ADCY8: variants seen among roughly 807,000 people sequenced by gnomAD.
The protein encoded by ADCY8 is adenylate cyclase 8, also known as adenylate cyclase type 8.
ADCY8 carries 51 observed loss-of-function variants against 119.7 expected under a neutral mutation model. That is an observed-to-expected ratio of 0.43 (90% CI 0.34 to 0.54). The LOEUF (loss-of-function observed/expected upper bound fraction) is 0.54. Among genes scored for constraint, ADCY8 ranks in the 20% least tolerant of loss-of-function variants. The probability of loss-of-function intolerance (pLI) is 0.03; values close to 1 mark genes in which losing one functional copy is unlikely to be tolerated. For missense variants in ADCY8, 1,383 were observed against 1,598.8 expected, an observed-to-expected ratio of 0.87 and a Z score of 2.30; for synonymous variants, 665 against 651.0, an observed-to-expected ratio of 1.02 and a Z score of -0.33.
At chr8:130,864,781 TATTAG>T (rs1818056695) in intron 9 of ADCY8, among the ~76,000 whole-genome samples, 1 of 152,198 alleles carries the variant, frequency 6.6e-6, no homozygotes, top group Non-Finnish European at 1.5e-5. Flanking sequence ...TGCCTACTTC[TATTAG>T]AACCTTTAAT....
At chr8:130,860,501 T>G (rs896802237) in intron 9 of ADCY8, among the ~76,000 whole-genome samples, 2 of 152,242 alleles carry the variant, frequency 1.3e-5, no homozygotes, top group Non-Finnish European at 2.9e-5. Context: ...ATTTTATTTG[T>G]GTTTTCTTCC....
Position 130,909,640 on chromosome 8 carries a change from G to A in ADCY8, c.1640+68C>T, listed in dbSNP as rs1168950555. 4.4e-6 allele frequency: 7 copies of A among 1,578,890 alleles called. No individual in the cohort carries two copies. In the East Asian group the frequency reaches 8.9e-5, roughly 20 times the overall value. ...TCTAACCCTGAATTTCTGTACACAGGAAACCCACTGTCACAAAATAAGCCA... is the reference window on the plus strand; with the variant it reads ...TCTAACCCTGAATTTCTGTACACAGAAAACCCACTGTCACAAAATAAGCCA... On this transcript the variant is annotated intron_variant, in intron 6 of 17. Coordinates refer to ENST00000286355, the MANE Select transcript of ADCY8 (RefSeq NM_001115.3).
At chr8:130,884,393 C>A (rs1294132270) in intron 8 of ADCY8, among the ~76,000 whole-genome samples, 171 bp downstream of exon 8, 1 of 152,144 alleles carries the variant, frequency 6.6e-6, no homozygotes, top group African/African-American at 2.4e-5. Flanking sequence ...CCTTTCATGA[C>A]CTTCAGTCTA....
intron 8 of ADCY8, among the ~76,000 whole-genome samples, chr8:130,882,161 T>C (rs2130452196): frequency 7.2e-6 from 1 of 139,090 alleles, no homozygotes; most frequent in East Asian, 2.2e-4. Context: ...GCATAGAAAA[T>C]ACAGCATCTC....
Position 130,882,216 on chromosome 8 carries a change from T to G in ADCY8, c.2109+2348A>C, listed in dbSNP as rs139241254. 5.7e-4 allele frequency among the ~76,000 whole-genome samples: 87 copies of G among 151,892 alleles called. No individual in the cohort carries two copies. In the East Asian group the frequency reaches 7.5e-3, roughly 13 times the overall value. ...AGTCAATGAAATATAGTAGCTGGAT[T>G]TTGAGATCTAAGATCTCCACTTAAC... On this transcript the variant is annotated intron_variant, in intron 8 of 17. Transcript: ENST00000286355.
At chr8:130,830,635 C>A (rs1030196042) in intron 12 of ADCY8, among the ~76,000 whole-genome samples, 1 of 152,178 alleles carries the variant, frequency 6.6e-6, no homozygotes, top group Non-Finnish European at 1.5e-5. Flanking sequence ...AGGTGATGAA[C>A]CTTGGGTATC....
intron 8 of ADCY8, among the ~76,000 whole-genome samples, chr8:130,880,618 G>C (rs950822675): frequency 1.3e-5 from 2 of 152,144 alleles, no homozygotes; most frequent in African/African-American, 2.4e-5. Context: ...ACTGCAATAG[G>C]TCTCCTCTCC....
At chr8:130,931,800 T>C (rs1820637316) in intron 5 of ADCY8, among the ~76,000 whole-genome samples, 1 of 152,190 alleles carries the variant, frequency 6.6e-6, no homozygotes. Context: ...TTATTTTCAA[T>C]CACTCCATTA....
At chr8:130,805,574 C>T (rs1405248220) in intron 14 of ADCY8, among the ~76,000 whole-genome samples, 3 of 152,182 alleles carry the variant, frequency 2.0e-5, no homozygotes, top group Non-Finnish European at 4.4e-5. Context: ...GGACTCACCC[C>T]TCCTTTCCAT....
At position 131,040,387 on chromosome 8, in the gene ADCY8, G is replaced by A. The variant is rs1824352320; in HGVS notation, c.-54C>T. ...GAACCTTGGGGAGGCAGCCGGAGGA[G>A]GGGTTCCTAAAGACTCAAAGGCGGC... On this transcript the variant is annotated 5_prime_UTR_variant, in exon 1 of 18. Transcript: ENST00000286355. 3.5e-6 allele frequency: 5 copies of A among 1,437,116 alleles called. No individual in the cohort carries two copies. The highest frequency in any genetic ancestry group is 1.6e-5 in the South Asian group (1 of 62,722). The allele number at this position is 1,437,116 out of a possible 1,614,324, so 89.0% of individuals were successfully genotyped here.
chr8:130,817,882 A>G (rs182422800), intron 13 of ADCY8, among the ~76,000 whole-genome samples: 8 of 152,356 alleles, frequency 5.3e-5, no homozygotes, highest in Admixed American at 2.6e-4. Context: ...GAGAACTGAT[A>G]GGATTAGCAT....
chr8:130,846,906 T>TCCTG (rs1563689898), intron 11 of ADCY8, among the ~76,000 whole-genome samples: 1 of 97,026 alleles, frequency 1.0e-5, no homozygotes, highest in Non-Finnish European at 2.1e-5. Context: ...CTTCCTTCCT[T>TCCTG]CCTTCCTTCC....
intron 1 of ADCY8, among the ~76,000 whole-genome samples, chr8:131,014,760 G>C (rs1181761124): frequency 6.6e-6 from 1 of 152,094 alleles, no homozygotes; most frequent in African/African-American, 2.4e-5. Context: ...AATGGTAATG[G>C]GACTTACTTC....
At chr8:130,877,254 G>A (rs1263073645) in intron 8 of ADCY8, among the ~76,000 whole-genome samples, 1 of 152,158 alleles carries the variant, frequency 6.6e-6, no homozygotes, top group Non-Finnish European at 1.5e-5. Context: ...CCATTATCAT[G>A]CCCAATTTTA....
At chr8:130,949,838 G>A (rs1026892577) in intron 3 of ADCY8, among the ~76,000 whole-genome samples, 5 of 152,128 alleles carry the variant, frequency 3.3e-5, no homozygotes, top group African/African-American at 1.2e-4. Flanking sequence ...GTATTGAAGA[G>A]TTCTTATTAT....
chr8:130,970,522 T>C (rs1821892860), intron 2 of ADCY8, among the ~76,000 whole-genome samples: 1 of 152,222 alleles, frequency 6.6e-6, no homozygotes, highest in African/African-American at 2.4e-5. Flanking sequence ...TTTCATTACA[T>C]ATTACAATGT....
intron 8 of ADCY8, among the ~76,000 whole-genome samples, chr8:130,878,332 C>T (rs867396407): frequency 6.6e-6 from 1 of 152,338 alleles, no homozygotes; most frequent in Middle Eastern, 3.4e-3. Flanking sequence ...AACTAATCAA[C>T]TGTCCTTTAT....
chr8:130,943,206 T>C (rs55986691), intron 4 of ADCY8, 145 bp downstream of exon 4: 13,513 of 573,052 alleles, frequency 0.024, 1,340 homozygotes, highest in African/African-American at 0.22. Flanking sequence ...GTCCCCAGAA[T>C]GTGAGAGGGT....
At chr8:130,983,572 A>G (rs1822303288) in intron 2 of ADCY8, among the ~76,000 whole-genome samples, 1 of 152,158 alleles carries the variant, frequency 6.6e-6, no homozygotes, top group Non-Finnish European at 1.5e-5. Context: ...TGGAGTACAA[A>G]GTGAGAGGTA....
Sources: allele counts gnomAD v4.1 joint callset (sites outside exome capture counted in the v4.1 genomes callset), GRCh38; gene constraint gnomAD v4.1.1; transcripts MANE v1.5; gene names NCBI Gene and HGNC (gene_info 2026-07-23, HGNC 2026-07-21).